The following FSIP2 variants were observed in gnomAD, a reference collection of about 807,000 sequenced individuals.
FSIP2 encodes fibrous sheath interacting protein 2, also known as fibrous sheath-interacting protein 2.
FSIP2 carries 367 observed loss-of-function variants against 510.5 expected under a neutral mutation model. The observed-to-expected ratio is 0.72, with a 90% confidence interval of 0.66 to 0.78. FSIP2 has a LOEUF of 0.78. FSIP2 is among the 30% of genes least tolerant of loss of function. The pLI, the probability that FSIP2 is intolerant of heterozygous loss-of-function variation, is 0.00. For missense variants in FSIP2, 7,594 were observed against 7,901.7 expected, an observed-to-expected ratio of 0.96 and a Z score of 1.48; for synonymous variants, 2,601 against 2,732.2, an observed-to-expected ratio of 0.95 and a Z score of 1.50.
chr2:185,806,605 A>C lies in FSIP2; in HGVS notation c.17299A>C (p.Lys5767Gln). Residue 5767 changes from lysine (K) to glutamine (Q), a missense_variant, in exon 17 of 23, where the codon AAA becomes CAA. By Grantham distance (53) the Lys-to-Gln change is moderately conservative (BLOSUM62 1). Transcript: ENST00000424728. ...AGAGGAGATTAAAAGTGAACCCAGTAAACCAGATGATCCTCAAAACCAACG... is the reference window on the plus strand; with the variant it reads ...AGAGGAGATTAAAAGTGAACCCAGTCAACCAGATGATCCTCAAAACCAACG... The part of the protein sequence containing the change: ...VREEIKSEPS[K>Q]PDDPQNQRES... The C allele has an allele frequency of 6.2e-7, 1 of 1,608,918 alleles. No homozygotes were observed. Among genetic ancestry groups the C allele is most frequent in the Non-Finnish European group, 8.5e-7 (1 of 1,178,174 alleles).
In FSIP2 at chr2:185,800,818, T is replaced by G; in HGVS notation, c.11512T>G (p.Ser3838Ala). The G allele has an allele frequency of 1.3e-6, 2 of 1,534,454 alleles. No individual in the cohort carries two copies. The highest frequency in any genetic ancestry group is 2.0e-5 in the Admixed American group (1 of 50,866). ...TGATCAAGACTTATTGACATCAGAC[T>G]CTATGCTTACTATTATTTCCCACAG... ...EIDQDLLTSD[S>A]MLTIISHSLV... Residue 3838 changes from serine to alanine, a missense_variant, in exon 17 of 23, where the codon TCT becomes GCT. Ser to Ala is a moderately conservative substitution (Grantham distance 99, BLOSUM62 1). Coordinates refer to ENST00000424728, the MANE Select transcript of FSIP2 (RefSeq NM_173651.4).
chr2:185,764,525 T>C lies in FSIP2; in HGVS notation c.1371T>C (p.Asp457=). The C allele has an allele frequency of 1.3e-6, 2 of 1,532,066 alleles. No individual in the cohort carries two copies. The highest frequency in any genetic ancestry group is 1.7e-6 in the Non-Finnish European group (2 of 1,144,082). The allele number at this position is 1,532,066 out of a possible 1,614,324, so 94.9% of individuals were successfully genotyped here. A position where few individuals can be genotyped will look rare whatever the true frequency, so the allele number is the denominator to read the frequency against. Reference sequence around the variant, plus strand: ...AGAAGGAGACAAATGCTGATTGGGATGGAAGACCAACCAAGAGATCAAGCT... The same window carrying C: ...AGAAGGAGACAAATGCTGATTGGGACGGAAGACCAACCAAGAGATCAAGCT... ...KEEKETNADW[D]GRPTKRSSYL... is the part of the protein sequence containing the mutation. The change falls in exon 13 of 23, where the codon GAT becomes GAC. Residue 457 remains aspartate, a synonymous_variant. Transcript: ENST00000424728.
At position 185,789,136 on chromosome 2, in the gene FSIP2, C is replaced by G; in HGVS notation, c.2000C>G (p.Thr667Arg). Residue 667 changes from threonine (T) to arginine (R), a missense_variant, in exon 16 of 23, where the codon ACA (threonine) becomes AGA (arginine). By Grantham distance (71) the Thr-to-Arg change is moderately conservative. Coordinates refer to ENST00000424728, the MANE Select transcript of FSIP2 (RefSeq NM_173651.4). ...AAATCTAAGGATGCTACCACTGAAA[C>G]AGATAGCTTAGGGAGTTCATTGCAT... ...TKKSKDATTE[T>R]DSLGSSLHCD... The G allele has an allele frequency of 3.3e-6, 5 of 1,535,036 alleles. No homozygotes were observed. Among genetic ancestry groups the G allele is most frequent in the Non-Finnish European group, 3.5e-6 (4 of 1,146,044 alleles).
At position 185,819,254 on chromosome 2, in the gene FSIP2, AC is replaced by A. The variant is rs138258030; in HGVS notation, c.20426+3784del. ...GTGTCACTAAAAAGTTCAACTAAAT[AC>A]AAAGGAAGACAGTAATGGAAGAAAT... On this transcript the variant is annotated intron_variant, in intron 19 of 22. Coordinates refer to ENST00000424728, the MANE Select transcript of FSIP2 (RefSeq NM_173651.4). Among the ~76,000 whole-genome samples the A allele has an allele frequency of 1.5e-3, 227 of 152,076 alleles. 1 individual carries two copies. Among genetic ancestry groups the A allele is most frequent in the South Asian group, 0.01 (50 of 4,832 alleles).
In FSIP2 at chr2:185,804,291, G is replaced by A. The variant is rs1444765537; in HGVS notation, c.14985G>A (p.Glu4995=). 1.3e-6 allele frequency: 2 copies of A among 1,525,618 alleles called. No individual in the cohort carries two copies. Among genetic ancestry groups the A allele is most frequent in the South Asian group, 1.2e-5 (1 of 81,830 alleles). 94.5% of individuals were successfully genotyped at this position (1,525,618 alleles called of 1,614,324 possible). A position where few individuals can be genotyped will look rare whatever the true frequency, so the allele number is the denominator to read the frequency against. ...VTTLVNSIVL[E]FTTSEILVAD... ...CATTGGTAAATTCAATTGTTCTGGA[G>A]TTCACCACATCAGAGATTTTAGTTG... Residue 4995 remains glutamate (E), a synonymous_variant, in exon 17 of 23, where the codon GAG becomes GAA. Coordinates refer to ENST00000424728, the MANE Select transcript of FSIP2 (RefSeq NM_173651.4).
rs1395663216 is a variant in FSIP2 at position 185,805,430 on chromosome 2, A to G, written c.16124A>G (p.Asn5375Ser). Residue 5375 changes from asparagine (N) to serine (S), a missense_variant, in exon 17 of 23, where the codon AAC becomes AGC. Asn to Ser is a conservative substitution (Grantham distance 46). Transcript: ENST00000424728. ...GATATTCAAAAAGGTGATGAAAGTA[A>G]CATTGCTATAGGGATGATTGCTGCT... ...SHDIQKGDES[N>S]IAIGMIAALT... is the part of the protein sequence containing the mutation. 5.6e-6 allele frequency: 9 copies of G among 1,605,586 alleles called. No homozygotes were observed. Among genetic ancestry groups the G allele is most frequent in the African/African-American group, 1.3e-5 (1 of 74,360 alleles).
chr2:185,776,860 G>A (rs745682248), intron 13 of FSIP2, among the ~76,000 whole-genome samples: 2 of 151,884 alleles, frequency 1.3e-5, no homozygotes, highest in African/African-American at 2.4e-5. Flanking sequence ...TCAGCCTCCC[G>A]AGTAGTTGGG....
In FSIP2 at chr2:185,803,834, GTAT is replaced by G; in HGVS notation, c.14534_14536del (p.Ile4845del). On this transcript the variant is annotated inframe_deletion, in exon 17 of 23. Coordinates refer to ENST00000424728, the MANE Select transcript of FSIP2 (RefSeq NM_173651.4). ...TCAATAATTTCAAAACATGAAATATGTATTATTAAATATGGGAATAAAAAACAG... is the reference window on the plus strand; with the variant it reads ...TCAATAATTTCAAAACATGAAATATGTATTAAATATGGGAATAAAAAACAG... The G allele has an allele frequency of 4.0e-6, 6 of 1,500,942 alleles. No individual in the cohort carries two copies. The highest frequency in any genetic ancestry group is 5.3e-6 in the Non-Finnish European group (6 of 1,123,794). 93.0% of individuals were successfully genotyped at this position (1,500,942 alleles called of 1,614,324 possible).
chr2:185,802,122 G>C lies in FSIP2; in HGVS notation c.12816G>C (p.Arg4272Ser). The change falls in exon 17 of 23, where the codon AGG (arginine) becomes AGC (serine). Residue 4272 changes from arginine (R) to serine (S), a missense_variant. Arg to Ser is a moderately radical substitution (Grantham distance 110). Coordinates refer to ENST00000424728, the MANE Select transcript of FSIP2 (RefSeq NM_173651.4). ...FLSGEVLCHP[R>S]TPLDPVSTIV... ...GTGGAGAGGTTTTATGTCATCCAAGGACTCCACTGGATCCAGTGTCTACTA... is the reference window on the plus strand; with the variant it reads ...GTGGAGAGGTTTTATGTCATCCAAGCACTCCACTGGATCCAGTGTCTACTA... 1 of 1,533,306 alleles carries C rather than the reference G, an allele frequency of 6.5e-7. No homozygotes were observed. Among genetic ancestry groups the C allele is most frequent in the Admixed American group, 2.0e-5 (1 of 50,804 alleles). 95.0% of individuals were successfully genotyped at this position (1,533,306 alleles called of 1,614,324 possible).
At chr2:185,811,213 T>G (rs1693721447) in intron 17 of FSIP2, among the ~76,000 whole-genome samples, 2 of 152,016 alleles carry the variant, frequency 1.3e-5, no homozygotes, top group Admixed American at 6.6e-5. Context: ...ACACTTGTAA[T>G]CCCAGCACTT....
Position 185,791,691 on chromosome 2 carries a change from G to A in FSIP2, c.4555G>A (p.Asp1519Asn). 2 of 1,534,220 alleles carry A rather than the reference G, an allele frequency of 1.3e-6. No homozygotes were observed. Among genetic ancestry groups the A allele is most frequent in the East Asian group, 2.4e-5 (1 of 40,850 alleles). The change falls in exon 16 of 23, where the codon GAC (aspartate) becomes AAC (asparagine). Residue 1519 changes from aspartate (D) to asparagine (N), a missense_variant. By Grantham distance (23) the Asp-to-Asn change is conservative. Coordinates refer to ENST00000424728, the MANE Select transcript of FSIP2 (RefSeq NM_173651.4). ...AGCTATCTCAGAGTCTCTTGACATT[G>A]ACAACCCATCATTTGCTTCAATTAT... Reference protein sequence around the residue: ...LKAISESLDIDNPSFASIIEK... With the variant: ...LKAISESLDINNPSFASIIEK...
At chr2:185,824,540 TTA>T in intron 20 of FSIP2, 60 bp downstream of exon 20, 1 of 1,001,156 alleles carries the variant, frequency 1.0e-6, no homozygotes, top group Non-Finnish European at 1.5e-6. Flanking sequence ...TGTTTTTTTT[TTA>T]GTTATCAAAC....
chr2:185,762,013 T>C lies in FSIP2; in HGVS notation c.1236T>C (p.Asp412=). ...CTAAAAACTCAAGTATTTTCGATGA[T>C]AGAGGTAAGAAAATAAACAATAGTC... is the stretch of plus-strand genomic sequence containing the variant. ...MVSKNSSIFD[D]RGGINISGQG... The change falls in exon 11 of 23, where the codon GAT becomes GAC. Residue 412 remains aspartate (D), a synonymous_variant. Transcript: ENST00000424728. The C allele has an allele frequency of 6.9e-7, 1 of 1,443,510 alleles. No homozygotes were observed. The allele number at this position is 1,443,510 out of a possible 1,614,324, so 89.4% of individuals were successfully genotyped here.
chr2:185,787,992 C>T (rs554947492), intron 15 of FSIP2: 4 of 150,544 alleles, frequency 2.7e-5, no homozygotes, highest in South Asian at 2.1e-4. Flanking sequence ...TTTGTATTAT[C>T]GCTTTTATTG....
chr2:185,806,401 T>TG lies in FSIP2; in HGVS notation c.17095_17096insG (p.Tyr5699Ter). The TG allele has an allele frequency of 6.2e-7, 1 of 1,611,998 alleles. No individual in the cohort carries two copies. Among genetic ancestry groups the TG allele is most frequent in the Non-Finnish European group, 8.5e-7 (1 of 1,178,678 alleles). Reference sequence around the variant, plus strand: ...ACTATCTTCTTCTCCAGAACCAGCATATTATTCGAAACTCAGTTATGACCA... The same window carrying TG: ...ACTATCTTCTTCTCCAGAACCAGCATGATTATTCGAAACTCAGTTATGACCA... ...LELSSSPEPA[Y>*]YSKLSYDQSP... The change falls in exon 17 of 23, where the codon TAT becomes TGAT. Residue 5699 changes from tyrosine to a stop codon, truncating the protein, a stop_gained and frameshift_variant. Coordinates refer to ENST00000424728, the MANE Select transcript of FSIP2 (RefSeq NM_173651.4). LOFTEE classifies it high-confidence loss of function.
At chr2:185,797,558 C>T (rs1292385822) in intron 16 of FSIP2, 32 bp downstream of exon 16, 2 of 1,467,924 alleles carry the variant, frequency 1.4e-6, no homozygotes, top group Admixed American at 2.8e-5. Context: ...TAAAAATTTG[C>T]ATGATTTAGG....
At position 185,791,373 on chromosome 2, in the gene FSIP2, T is replaced by C. The variant is rs1693120425; in HGVS notation, c.4237T>C (p.Cys1413Arg). The change falls in exon 16 of 23, where the codon TGT becomes CGT. Residue 1413 changes from cysteine to arginine, a missense_variant. Transcript: ENST00000424728. ...KSFHKYLATP[C>R]THHSVNGGNH... Reference sequence around the variant, plus strand: ...TTTTCACAAATATTTGGCTACTCCTTGTACTCACCACAGTGTCAATGGTGG... The same window carrying C: ...TTTTCACAAATATTTGGCTACTCCTCGTACTCACCACAGTGTCAATGGTGG... 1.3e-6 allele frequency: 2 copies of C among 1,534,240 alleles called. No individual in the cohort carries two copies. Among genetic ancestry groups the C allele is most frequent in the East Asian group, 4.9e-5 (2 of 40,858 alleles).
intron 14 of FSIP2, among the ~76,000 whole-genome samples, chr2:185,785,987 A>G (rs540400301): frequency 1.3e-5 from 2 of 152,072 alleles, no homozygotes; most frequent in South Asian, 2.1e-4. Flanking sequence ...GTGTGTTGGA[A>G]GTATAAGGAT....
chr2:185,813,395 A>T (rs566278418), intron 17 of FSIP2, 150 bp from the exon 18 acceptor site: 2 of 448,458 alleles, frequency 4.5e-6, no homozygotes, highest in East Asian at 7.4e-5. Flanking sequence ...TATTTCTTTT[A>T]AAAATATTGC....
Sources: gnomAD v4.1 joint callset for allele counts (sites outside exome capture counted in the v4.1 genomes callset) on GRCh38, gnomAD v4.1.1 for gene constraint, MANE v1.5 for transcripts, NCBI Gene and HGNC (gene_info 2026-07-23, HGNC 2026-07-21) for gene names.